Variants in CCNY observed in about 807,000 individuals in gnomAD.
CCNY encodes cyclin Y.
A neutral mutation model predicts 42.8 loss-of-function variants in CCNY; 19 were observed. The observed-to-expected ratio is 0.44, with a 90% confidence interval of 0.31 to 0.65. The LOEUF is 0.65. Among genes scored for constraint, CCNY ranks in the 30% least tolerant of loss-of-function variants. The pLI is 0.07. For synonymous variants in CCNY, 165 were observed against 162.7 expected (o/e 1.01, Z -0.11); for missense variants, 370 against 437.3 (o/e 0.85, Z 1.37).
chr10:35,394,860 C>T, intron 1 of CCNY: 1 of 984,904 alleles, frequency 1.0e-6, no homozygotes. Flanking sequence ...TCATCACGGG[C>T]CCTCTCCTTC....
chr10:35,563,961 C>T (rs992357955), intron 8 of CCNY, among the ~76,000 whole-genome samples: 5 of 151,740 alleles, frequency 3.3e-5, no homozygotes, highest in Non-Finnish European at 7.4e-5. Flanking sequence ...GCTTCAACCT[C>T]CACCTCCCGG....
rs1841698280 is a variant in CCNY, at chr10:35,572,119, C to A, written c.*2949C>A. On this transcript the variant is annotated 3_prime_UTR_variant, in exon 10 of 10. Transcript: ENST00000374704. ...ACCTGTACCTGCCTCCTCTTCTGGG[C>A]TGGCTTTCCTGTCTGCCTGCTCTCG... 6.6e-6 allele frequency: 1 copy of A among 152,164 alleles called. No individual in the cohort carries two copies. Among genetic ancestry groups the A allele is most frequent in the Non-Finnish European group, 1.5e-5 (1 of 68,078 alleles). 9.4% of individuals were successfully genotyped at this position (152,164 alleles called of 1,614,324 possible).
intron 7 of CCNY, among the ~76,000 whole-genome samples, chr10:35,531,062 C>T (rs1409277026): frequency 6.6e-6 from 1 of 152,206 alleles, no homozygotes; most frequent in African/African-American, 2.4e-5. Flanking sequence ...GAGCGAGACC[C>T]TGTCTCAAAA....
At chr10:35,265,831 A>G (rs368062078) in intron 3 of CCNY, among the ~76,000 whole-genome samples, 2 of 152,332 alleles carry the variant, frequency 1.3e-5, no homozygotes, top group African/African-American at 4.8e-5. Flanking sequence ...TGGGGCAGAT[A>G]TGAAGCCCAC....
chr10:35,561,394 C>T (rs1841463762), intron 8 of CCNY, among the ~76,000 whole-genome samples: 1 of 152,206 alleles, frequency 6.6e-6, no homozygotes, highest in South Asian at 2.1e-4. Flanking sequence ...TTATATAGAA[C>T]TTCCCAGTGT....
chr10:35,293,246 A>G (rs980312436), intron 3 of CCNY, among the ~76,000 whole-genome samples: 2 of 152,118 alleles, frequency 1.3e-5, no homozygotes, highest in African/African-American at 4.8e-5. Context: ...TCTTTCCCCC[A>G]TTGAGTTGTC....
intron 7 of CCNY, among the ~76,000 whole-genome samples, chr10:35,533,718 C>G (rs1029087774): frequency 2.6e-5 from 4 of 152,220 alleles, no homozygotes; most frequent in South Asian, 2.1e-4. Flanking sequence ...TATCACCTGT[C>G]AGCATGCTTT....
chr10:35,389,390 T>G (rs571976959), intron 1 of CCNY, among the ~76,000 whole-genome samples: 2 of 152,036 alleles, frequency 1.3e-5, no homozygotes, highest in South Asian at 4.2e-4. Context: ...GGGAACTCTT[T>G]CAACTCCCTG....
At chr10:35,536,944 A>G (rs910660873) in intron 7 of CCNY, among the ~76,000 whole-genome samples, 1 of 152,194 alleles carries the variant, frequency 6.6e-6, no homozygotes, top group Non-Finnish European at 1.5e-5. Context: ...AATCCCCAAG[A>G]CAATGGGGAA....
chr10:35,557,761 TA>T (rs566127111), intron 8 of CCNY, among the ~76,000 whole-genome samples: 3 of 152,022 alleles, frequency 2.0e-5, no homozygotes, highest in East Asian at 1.9e-4. Context: ...ATTTTATATT[TA>T]AAAAAAAGTC....
intron 3 of CCNY, among the ~76,000 whole-genome samples, chr10:35,512,615 T>G (rs1840346195): frequency 6.6e-6 from 1 of 152,136 alleles, no homozygotes; most frequent in Non-Finnish European, 1.5e-5. Context: ...TTGAGCGAAT[T>G]CAGAAAGACA....
intron 3 of CCNY, among the ~76,000 whole-genome samples, chr10:35,279,504 CAGTGTG>C (rs1835275901): frequency 6.6e-6 from 1 of 152,192 alleles, no homozygotes; most frequent in Admixed American, 6.5e-5. Flanking sequence ...CCTCATGGAA[CAGTGTG>C]CAGAGGGTCA....
intron 3 of CCNY, among the ~76,000 whole-genome samples, chr10:35,275,127 G>C (rs530378176): frequency 3.2e-5 from 4 of 126,342 alleles, no homozygotes; most frequent in African/African-American, 1.2e-4. Context: ...GCATTGGTGT[G>C]ATCTTGGCTC....
At chr10:35,549,094 ACCCACCCCAC>A (rs1841184051) in intron 7 of CCNY, among the ~76,000 whole-genome samples, 1 of 54,334 alleles carries the variant, frequency 1.8e-5, no homozygotes, top group Non-Finnish European at 3.6e-5. Context: ...GCCCCTCACC[ACCCACCCCAC>A]CCCCCCCCGC....
At chr10:35,263,449 G>A (rs999287616) in intron 3 of CCNY, among the ~76,000 whole-genome samples, 1 of 151,664 alleles carries the variant, frequency 6.6e-6, no homozygotes, top group Non-Finnish European at 1.5e-5. Context: ...GCTGAGGTAG[G>A]AGGATTGCTT....
At chr10:35,419,703 AGATT>A (rs1194988674) in intron 1 of CCNY, among the ~76,000 whole-genome samples, 3 of 152,114 alleles carry the variant, frequency 2.0e-5, no homozygotes, top group Non-Finnish European at 4.4e-5. Flanking sequence ...TTAGTCCTAC[AGATT>A]GATTTTAACT....
intron 3 of CCNY, among the ~76,000 whole-genome samples, chr10:35,292,420 GT>G (rs2135064470): frequency 6.6e-6 from 1 of 151,954 alleles, no homozygotes; most frequent in South Asian, 2.1e-4. Flanking sequence ...CTGGAGTGCA[GT>G]GGCACGATCT....
chr10:35,522,179 C>T (rs1840560700), intron 4 of CCNY, among the ~76,000 whole-genome samples: 1 of 152,236 alleles, frequency 6.6e-6, no homozygotes, highest in African/African-American at 2.4e-5. Context: ...TCTACACTGA[C>T]AAGAAAGCAA....
At chr10:35,391,016 A>G (rs1837401806) in intron 1 of CCNY, among the ~76,000 whole-genome samples, 1 of 152,206 alleles carries the variant, frequency 6.6e-6, no homozygotes. Context: ...TAGATGGATG[A>G]GATGTGTGAC....
Sources: gnomAD v4.1 joint callset for allele counts (sites outside exome capture counted in the v4.1 genomes callset) on GRCh38, gnomAD v4.1.1 for gene constraint, MANE v1.5 for transcripts, NCBI Gene and HGNC (gene_info 2026-07-23, HGNC 2026-07-21) for gene names.